TRPC4AP: variants seen among roughly 807,000 people sequenced by gnomAD.
The protein encoded by TRPC4AP is transient receptor potential cation channel subfamily C member 4 associated protein.
A neutral mutation model predicts 99.0 loss-of-function variants in TRPC4AP; 45 were observed. That is an observed-to-expected ratio of 0.45 (90% confidence interval 0.36 to 0.58). TRPC4AP has a LOEUF of 0.58. TRPC4AP is among the 20% of genes least tolerant of loss of function. The pLI is 0.00. For missense variants in TRPC4AP, 879 were observed against 985.3 expected, an observed-to-expected ratio of 0.89 and a Z score of 1.44; for synonymous variants, 408 against 385.8, an observed-to-expected ratio of 1.06 and a Z score of -0.67.
chr20:35,033,423 A>C (rs1025348354), intron 8 of TRPC4AP, among the ~76,000 whole-genome samples: 1 of 152,082 alleles, frequency 6.6e-6, no homozygotes, highest in Non-Finnish European at 1.5e-5. Flanking sequence ...GCTGTCTTTG[A>C]CTAGCTCTTT....
chr20:35,004,169 C>G (rs1261275227), intron 17 of TRPC4AP, among the ~76,000 whole-genome samples: 1 of 152,158 alleles, frequency 6.6e-6, no homozygotes, highest in Admixed American at 6.5e-5. Context: ...GCCTCAGGTC[C>G]GATTCCAAAG....
At chr20:35,047,376 G>A (rs901911152) in intron 6 of TRPC4AP, among the ~76,000 whole-genome samples, 1 of 152,144 alleles carries the variant, frequency 6.6e-6, no homozygotes, top group African/African-American at 2.4e-5. Context: ...ACTACCTACA[G>A]TGTTCTGCAA....
At chr20:35,086,531 G>A (rs1250155656) in intron 1 of TRPC4AP, among the ~76,000 whole-genome samples, 379 of 28,508 alleles carry the variant, frequency 0.013, 34 homozygotes, top group African/African-American at 0.1. Flanking sequence ...ATATATGTGT[G>A]TGTGTGTGTG....
At chr20:35,025,592 T>C (rs969931106) in intron 8 of TRPC4AP, among the ~76,000 whole-genome samples, 1 of 152,174 alleles carries the variant, frequency 6.6e-6, no homozygotes, top group African/African-American at 2.4e-5. Context: ...TTTGTCTATA[T>C]TTTGAAATGG....
chr20:35,042,911 C>T (rs1345259879), intron 7 of TRPC4AP, among the ~76,000 whole-genome samples: 2 of 152,204 alleles, frequency 1.3e-5, no homozygotes, highest in African/African-American at 2.4e-5. Context: ...CCCACTGCTA[C>T]TACCTTCCCT....
intron 8 of TRPC4AP, among the ~76,000 whole-genome samples, chr20:35,030,040 G>A (rs1365920574): frequency 2.0e-5 from 3 of 149,292 alleles, no homozygotes; most frequent in East Asian, 2.0e-4. Flanking sequence ...TCAGGAGATC[G>A]AGACCAGCCT....
At chr20:35,069,948 A>G (rs1441477385) in intron 2 of TRPC4AP, among the ~76,000 whole-genome samples, 1 of 152,180 alleles carries the variant, frequency 6.6e-6, no homozygotes, top group African/African-American at 2.4e-5. Flanking sequence ...CATTAAAAAA[A>G]AATAAAAAGC....
At chr20:35,042,968 CTT>C (rs1189445196) in intron 7 of TRPC4AP, among the ~76,000 whole-genome samples, 3 of 152,140 alleles carry the variant, frequency 2.0e-5, no homozygotes, top group Non-Finnish European at 4.4e-5. Flanking sequence ...CTTGTGTACC[CTT>C]TGTTTCTTTA....
At position 35,059,151 on chromosome 20, in the gene TRPC4AP, G is replaced by GA. The variant is rs1185327358; in HGVS notation, c.415-1581dup. On this transcript the variant is annotated intron_variant, in intron 3 of 18. Transcript: ENST00000252015. ...GAACAAAACCAAAAGCTGGCTCTTT[G>GA]AAGACTGGCAAATTCTTAACTAGAC... 5.9e-5 allele frequency among the ~76,000 whole-genome samples: 9 copies of GA among 152,258 alleles called. No individual in the cohort carries two copies. In the East Asian group the frequency reaches 1.7e-3, roughly 29 times the overall value.
chr20:35,037,425 A>G (rs1226923267), intron 7 of TRPC4AP, among the ~76,000 whole-genome samples: 1 of 152,210 alleles, frequency 6.6e-6, no homozygotes, highest in East Asian at 1.9e-4. Flanking sequence ...TATATACCCA[A>G]AAGAATTGAA....
chr20:35,074,632 A>G (rs2084423280), intron 2 of TRPC4AP, among the ~76,000 whole-genome samples: 1 of 152,170 alleles, frequency 6.6e-6, no homozygotes, highest in African/African-American at 2.4e-5. Context: ...GTTGTCTGAG[A>G]GACAGTTTGT....
chr20:35,057,465 G>A (rs748590907), intron 4 of TRPC4AP, 49 bp downstream of exon 4: 75 of 1,482,892 alleles, frequency 5.1e-5, no homozygotes, highest in Non-Finnish European at 6.6e-5. Context: ...AACTGCCACC[G>A]TATCGGCAGG....
intron 3 of TRPC4AP, among the ~76,000 whole-genome samples, chr20:35,058,687 C>CAT: frequency 9.1e-6 from 1 of 110,366 alleles, no homozygotes; most frequent in East Asian, 2.6e-4. Context: ...AAAGAAAATT[C>CAT]TTTTTTTTTT....
chr20:35,007,923 C>G (rs559735910), intron 13 of TRPC4AP, among the ~76,000 whole-genome samples: 7 of 152,268 alleles, frequency 4.6e-5, no homozygotes, highest in Admixed American at 4.6e-4. Flanking sequence ...TGCGAGCCCC[C>G]GTGAAACATA....
chr20:35,026,634 C>T (rs2083037990), intron 8 of TRPC4AP, among the ~76,000 whole-genome samples: 1 of 152,138 alleles, frequency 6.6e-6, no homozygotes, highest in Non-Finnish European at 1.5e-5. Context: ...TGTGTTGAAT[C>T]TGTAAGGCTG....
intron 10 of TRPC4AP, among the ~76,000 whole-genome samples, chr20:35,013,323 T>A (rs1434759508): frequency 6.6e-6 from 1 of 152,178 alleles, no homozygotes; most frequent in Non-Finnish European, 1.5e-5. Flanking sequence ...GTTACACCTG[T>A]AATCACAGCA....
intron 8 of TRPC4AP, among the ~76,000 whole-genome samples, chr20:35,023,684 A>G (rs1298782700): frequency 6.6e-6 from 1 of 152,242 alleles, no homozygotes; most frequent in Non-Finnish European, 1.5e-5. Flanking sequence ...AAGAACTATC[A>G]CGCAGAATCC....
intron 1 of TRPC4AP, among the ~76,000 whole-genome samples, chr20:35,080,806 T>TTTGG (rs145679228): frequency 1.8e-3 from 48 of 27,068 alleles, no homozygotes; most frequent in African/African-American, 9.5e-3. Flanking sequence ...ACACTTCAGT[T>TTTGG]TTTTTTTTTT....
chr20:35,012,603 T>C lies in TRPC4AP; in HGVS notation c.1409+405A>G, dbSNP rs118025025. Among the ~76,000 whole-genome samples, 1,273 of 151,976 alleles carry C rather than the reference T, an allele frequency of 8.4e-3. 11 individuals carry two copies. Among genetic ancestry groups the C allele is most frequent in the Non-Finnish European group, 0.015 (1,017 of 68,032 alleles). On this transcript the variant is annotated intron_variant, in intron 11 of 18. Coordinates refer to ENST00000252015, the MANE Select transcript of TRPC4AP (RefSeq NM_015638.3). The stretch of plus-strand genomic sequence containing the variant: ...CAAGAAAAATGGGAGCACACCTCCT[T>C]GTGGAGGGAAGAATCCTCCAGCTGC...
Sources: allele counts gnomAD v4.1 joint callset (sites outside exome capture counted in the v4.1 genomes callset), GRCh38; gene constraint gnomAD v4.1.1; transcripts MANE v1.5; gene names NCBI Gene and HGNC (gene_info 2026-07-23, HGNC 2026-07-21).